Variants in CEP290 observed in about 807,000 individuals in gnomAD.
The protein encoded by CEP290 is centrosomal protein 290.
In CEP290, 317 loss-of-function variants were observed where a neutral mutation model predicts 344.9. The observed-to-expected ratio is 0.92, with a 90% CI of 0.84 to 1.01. CEP290 has a LOEUF of 1.01. Ranked by LOEUF, CEP290 falls within the 50% of genes least tolerant of loss-of-function variation. CEP290 has a pLI of 0.00. For synonymous variants in CEP290, 932 were observed against 895.8 expected (o/e 1.04, Z -0.72); for missense variants, 2,754 against 2,761.4 (o/e 1.00, Z 0.06).
intron 18 of CEP290, chr12:88,115,460 G>A: frequency 1.5e-6 from 2 of 1,295,878 alleles, no homozygotes; most frequent in East Asian, 4.9e-5. Flanking sequence ...CTCTTTTAAT[G>A]TTCTGCCTTT....
At chr12:88,107,427 A>G (rs1018309037) in intron 23 of CEP290, among the ~76,000 whole-genome samples, 1 of 152,082 alleles carries the variant, frequency 6.6e-6, no homozygotes, top group Non-Finnish European at 1.5e-5. Context: ...ATAATACCCT[A>G]TACTAATTCT....
chr12:88,062,292 C>G (rs1037700139), intron 46 of CEP290, among the ~76,000 whole-genome samples: 1 of 151,710 alleles, frequency 6.6e-6, no homozygotes, highest in African/African-American at 2.4e-5. Context: ...GAGAAAATTA[C>G]AAGAACACAA....
chr12:88,107,129 C>T (rs1046067780), intron 23 of CEP290, 31 bp from the exon 24 acceptor site: 2 of 1,261,958 alleles, frequency 1.6e-6, no homozygotes, highest in Admixed American at 5.8e-5. Flanking sequence ...AAAGACAATA[C>T]TGTAAACCTA....
chr12:88,064,501 T>C (rs765240280), intron 44 of CEP290, among the ~76,000 whole-genome samples: 16 of 152,158 alleles, frequency 1.1e-4, no homozygotes, highest in Non-Finnish European at 2.1e-4. Context: ...TATATTAAAG[T>C]CATAATTTCC....
intron 10 of CEP290, 48 bp downstream of exon 10, chr12:88,129,646 G>A: frequency 9.2e-7 from 1 of 1,085,646 alleles, no homozygotes; most frequent in East Asian, 2.9e-5. Flanking sequence ...ATAGTAATGA[G>A]ATAATATGAA....
intron 23 of CEP290, 91 bp from the exon 24 acceptor site, chr12:88,107,189 T>C: frequency 1.3e-6 from 1 of 758,278 alleles, no homozygotes; most frequent in Non-Finnish European, 2.0e-6. Flanking sequence ...AATTTAAAGT[T>C]TTCTCAACAC....
intron 41 of CEP290, among the ~76,000 whole-genome samples, chr12:88,072,359 T>C (rs1353748017): frequency 6.6e-6 from 1 of 152,118 alleles, no homozygotes; most frequent in Non-Finnish European, 1.5e-5. Context: ...TGGCATCATA[T>C]TGGTGCTCAA....
intron 26 of CEP290, among the ~76,000 whole-genome samples, chr12:88,101,202 C>A (rs943301962): frequency 3.3e-5 from 5 of 152,008 alleles, no homozygotes; most frequent in Non-Finnish European, 7.4e-5. Context: ...ACAACTGGGG[C>A]CAGGTGCGGT....
chr12:88,121,970 A>C (rs2039431584), intron 13 of CEP290, among the ~76,000 whole-genome samples: 1 of 152,210 alleles, frequency 6.6e-6, no homozygotes, highest in African/African-American at 2.4e-5. Context: ...CTAAATTGTT[A>C]AAAGACCAAA....
intron 50 of CEP290, 130 bp from the exon 51 acceptor site, chr12:88,054,543 T>C: frequency 3.0e-6 from 2 of 666,124 alleles, no homozygotes; most frequent in Non-Finnish European, 2.6e-6. Context: ...CAAATTTCTA[T>C]GTTCTATTCA....
Position 88,059,988 on chromosome 12 carries a change from C to A in CEP290, c.6555G>T (p.Gly2185=). Residue 2185 remains glycine (G), a synonymous_variant, in exon 48 of 54, where the codon GGG becomes GGT. Coordinates refer to ENST00000552810, the MANE Select transcript of CEP290 (RefSeq NM_025114.4). ...AELEKLKAHL[G]HQLSMHYESK... Reference sequence around the variant, plus strand: ...ATTCATAGTGCATGCTCAACTGATGCCCAAGATGAGCTTTAAGTTTTTCTA... The same window carrying A: ...ATTCATAGTGCATGCTCAACTGATGACCAAGATGAGCTTTAAGTTTTTCTA... 1 of 1,570,746 alleles carries A rather than the reference C, an allele frequency of 6.4e-7. No individual in the cohort carries two copies. Among genetic ancestry groups the A allele is most frequent in the African/African-American group, 1.4e-5 (1 of 73,362 alleles).
chr12:88,114,675 A>T (rs2038931474), intron 19 of CEP290, 113 bp from the exon 20 acceptor site: 1 of 913,316 alleles, frequency 1.1e-6, no homozygotes, highest in Non-Finnish European at 1.6e-6. Flanking sequence ...GAAAAATCCA[A>T]ATGTAAATAA....
intron 9 of CEP290, 25 bp downstream of exon 9, chr12:88,130,238 TTGCTC>T (rs2039983011): frequency 1.9e-6 from 3 of 1,563,760 alleles, no homozygotes; most frequent in African/African-American, 2.8e-5. Flanking sequence ...TTAGGAACCA[TTGCTC>T]TGAATTGACT....
chr12:88,116,899 G>A (rs1366758296), intron 18 of CEP290, 134 bp downstream of exon 18: 4 of 470,464 alleles, frequency 8.5e-6, no homozygotes, highest in South Asian at 5.1e-5. Flanking sequence ...GCATGAACCC[G>A]GGAGGCGGAG....
rs2038919221 is a variant in CEP290 at position 88,114,485 on chromosome 12, T to A, written c.1987A>T (p.Lys663Ter). The change falls in exon 20 of 54, where the codon AAA (lysine) becomes TAA (stop). Residue 663 changes from lysine to a stop codon, truncating the protein, a stop_gained. Transcript: ENST00000552810. LOFTEE classifies it high-confidence loss of function. The stretch of plus-strand genomic sequence containing the variant: ...TCTCCTCCTTTAACATCAGGATCTT[T>A]CTGCATTTCCTTAATTGCTTGCAAT... ...EILQAIKEMQ[K>*]DPDVKGGETS... 1 of 1,548,532 alleles carries A rather than the reference T, an allele frequency of 6.5e-7. No homozygotes were observed. Among genetic ancestry groups the A allele is most frequent in the Non-Finnish European group, 8.7e-7 (1 of 1,145,568 alleles).
At chr12:88,085,259 A>T (rs2036490926) in intron 34 of CEP290, among the ~76,000 whole-genome samples, 3 of 152,126 alleles carry the variant, frequency 2.0e-5, no homozygotes, top group Admixed American at 2.0e-4. Context: ...CAAAACTGGA[A>T]TTTTAGAGGC....
intron 6 of CEP290, among the ~76,000 whole-genome samples, chr12:88,134,344 T>A (rs1422908676): frequency 6.6e-6 from 1 of 152,216 alleles, no homozygotes; most frequent in African/African-American, 2.4e-5. Context: ...CTCAGGCAAA[T>A]GCCATCATTA....
At chr12:88,088,889 C>A in intron 31 of CEP290, 143 bp downstream of exon 31, 1 of 486,956 alleles carries the variant, frequency 2.1e-6, no homozygotes. Flanking sequence ...ACCTGTACTG[C>A]CAGCTACAAC....
chr12:88,128,880 A>C, intron 11 of CEP290, 66 bp downstream of exon 11: 1 of 962,688 alleles, frequency 1.0e-6, no homozygotes, highest in Non-Finnish European at 1.5e-6. Context: ...TTAAAGAAAA[A>C]TAAGACTAAA....
Sources: gnomAD v4.1 joint callset for allele counts (sites outside exome capture counted in the v4.1 genomes callset) on GRCh38, gnomAD v4.1.1 for gene constraint, MANE v1.5 for transcripts, NCBI Gene and HGNC (gene_info 2026-07-23, HGNC 2026-07-21) for gene names.